CNRIP1: variants seen among roughly 807,000 people sequenced by gnomAD.
CNRIP1 encodes the protein cannabinoid receptor interacting protein 1.
A neutral mutation model predicts 15.2 loss-of-function variants in CNRIP1; 10 were observed. The observed-to-expected ratio is 0.66, with a 90% CI of 0.41 to 1.12. The LOEUF (loss-of-function observed/expected upper bound fraction) is 1.12. CNRIP1 is among the 50% of genes most tolerant of loss of function. The probability of loss-of-function intolerance (pLI) is 0.00; values close to 1 mark genes in which losing one functional copy is unlikely to be tolerated. For missense variants in CNRIP1, 211 were observed against 214.7 expected (o/e 0.98, Z 0.11); for synonymous variants, 91 against 83.2 (o/e 1.09, Z -0.51).
chr2:68,301,387 T>C (rs548323783), intron 2 of CNRIP1, among the ~76,000 whole-genome samples: 7 of 152,284 alleles, frequency 4.6e-5, no homozygotes, highest in African/African-American at 7.2e-5. Context: ...TTAAGGGGCA[T>C]TGACAAAAAA....
intron 2 of CNRIP1, among the ~76,000 whole-genome samples, chr2:68,310,156 T>C (rs1672021886): frequency 2.0e-5 from 3 of 152,082 alleles, no homozygotes. Context: ...GGTGAAACCC[T>C]GTCTCTAATA....
chr2:68,317,226 A>T lies in CNRIP1; in HGVS notation c.261T>A (p.Gly87=). Residue 87 remains glycine, a synonymous_variant, in exon 2 of 3, where the codon GGT becomes GGA. Transcript: ENST00000263655. ...GGGTCACACCTTCTGTGTCATATGT[A>T]CCCGTATAAACAACTCTGTCCCCAT... The part of the protein sequence containing the change: ...EPDGDRVVYT[G]TYDTEGVTPT... 6.2e-7 allele frequency: 1 copy of T among 1,614,068 alleles called. No homozygotes were observed. The highest frequency in any genetic ancestry group is 8.5e-7 in the Non-Finnish European group (1 of 1,180,004).
chr2:68,288,210 A>C (rs896184820), downstream of CNRIP1, among the ~76,000 whole-genome samples: 2 of 152,212 alleles, frequency 1.3e-5, no homozygotes, highest in African/African-American at 4.8e-5. Flanking sequence ...TGAGGGTGGT[A>C]AAGCTTTTCA....
intron 2 of CNRIP1, among the ~76,000 whole-genome samples, chr2:68,305,638 A>AGC (rs1671809390): frequency 6.6e-6 from 1 of 151,810 alleles, no homozygotes; most frequent in African/African-American, 2.4e-5. Flanking sequence ...TACTAAAAAT[A>AGC]CAAAAGAATT....
At chr2:68,287,628 G>T (rs1437168106) in intron 2 of CNRIP1, among the ~76,000 whole-genome samples, 2 of 152,350 alleles carry the variant, frequency 1.3e-5, no homozygotes. Context: ...TATTTGCCAT[G>T]GCAAAGGGAA....
At position 68,305,272 on chromosome 2, in the gene CNRIP1, A is replaced by ATGTG. The variant is rs1225964288; in HGVS notation, c.331-11247_331-11246insCACA. Among the ~76,000 whole-genome samples, 522 of 68,990 alleles carry ATGTG rather than the reference A, an allele frequency of 7.6e-3. 5 individuals are homozygous for ATGTG. The highest frequency in any genetic ancestry group is 0.013 in the Non-Finnish European group (420 of 32,884). The allele number at this position is 68,990 out of a possible 152,430, so 45.3% of individuals were successfully genotyped here. ...AAAAAAAAAAAAAATATATATATAT[A>ATGTG]TATGTGTGTGTGTGTGTGTGTGTGT... is the stretch of plus-strand genomic sequence containing the variant. On this transcript the variant is annotated intron_variant, in intron 2 of 2. Coordinates refer to ENST00000263655, the MANE Select transcript of CNRIP1 (RefSeq NM_015463.3).
chr2:68,318,967 C>T (rs537480161), intron 1 of CNRIP1, among the ~76,000 whole-genome samples: 1 of 152,362 alleles, frequency 6.6e-6, no homozygotes, highest in Admixed American at 6.5e-5. Flanking sequence ...AAAACCCTGG[C>T]TTCTTGTCAC....
downstream of CNRIP1, among the ~76,000 whole-genome samples, chr2:68,291,747 C>A (rs1030377557): frequency 6.6e-6 from 1 of 151,956 alleles, no homozygotes; most frequent in Admixed American, 6.6e-5. Context: ...AGCGTGGTAG[C>A]ACACGCCCGT....
At chr2:68,316,921 C>T (rs1672292084) in intron 2 of CNRIP1, 5 of 622,804 alleles carry the variant, frequency 8.0e-6, no homozygotes, top group Non-Finnish European at 1.4e-5. Flanking sequence ...TCTTCCAGAA[C>T]CATCTGCTTC....
chr2:68,310,198 C>A (rs180983453), intron 2 of CNRIP1, among the ~76,000 whole-genome samples: 1 of 152,118 alleles, frequency 6.6e-6, no homozygotes, highest in African/African-American at 2.4e-5. Flanking sequence ...TGTGGTGGCA[C>A]GCGCCTGTAG....
intron 2 of CNRIP1, among the ~76,000 whole-genome samples, chr2:68,306,124 C>CAAAA (rs61586261): frequency 0.014 from 343 of 25,332 alleles, 55 homozygotes; most frequent in African/African-American, 0.035. Context: ...CCCACCTCTA[C>CAAAA]AAAAAAAAAA....
intron 2 of CNRIP1, among the ~76,000 whole-genome samples, chr2:68,308,529 G>A (rs779344418): frequency 4.2e-4 from 63 of 151,782 alleles, no homozygotes; most frequent in African/African-American, 1.1e-3. Context: ...TGATTTTTCC[G>A]TAATTTTAGA....
chr2:68,303,003 T>A (rs909238352), intron 2 of CNRIP1, among the ~76,000 whole-genome samples: 40 of 151,898 alleles, frequency 2.6e-4, no homozygotes, highest in Non-Finnish European at 3.8e-4. Flanking sequence ...GCCCGCTACC[T>A]CGCCCGGCTA....
intron 2 of CNRIP1, among the ~76,000 whole-genome samples, chr2:68,294,593 A>G (rs937548982): frequency 1.4e-4 from 22 of 152,360 alleles, no homozygotes; most frequent in Admixed American, 6.5e-4. Flanking sequence ...TCAAAATACA[A>G]TGGTACAAAA....
At chr2:68,294,374 T>G (rs958666799) in intron 2 of CNRIP1, among the ~76,000 whole-genome samples, 3 of 152,242 alleles carry the variant, frequency 2.0e-5, no homozygotes, top group African/African-American at 7.2e-5. Flanking sequence ...TACTCTAAAA[T>G]GGCCCCTGCT....
At chr2:68,310,330 A>G (rs1484016355) in intron 2 of CNRIP1, among the ~76,000 whole-genome samples, 2 of 152,214 alleles carry the variant, frequency 1.3e-5, no homozygotes, top group African/African-American at 4.8e-5. Context: ...CTCCATCTCA[A>G]ATAAAGCAAA....
At chr2:68,304,456 A>G (rs1476748019) in intron 2 of CNRIP1, among the ~76,000 whole-genome samples, 1 of 151,976 alleles carries the variant, frequency 6.6e-6, no homozygotes, top group Non-Finnish European at 1.5e-5. Flanking sequence ...ATTTGAAGGT[A>G]TGTTTTAAGA....
At chr2:68,306,952 T>C (rs548114423) in intron 2 of CNRIP1, among the ~76,000 whole-genome samples, 10 of 152,326 alleles carry the variant, frequency 6.6e-5, no homozygotes, top group African/African-American at 2.4e-4. Context: ...AGGCTAGGAA[T>C]GTGTCCCAGC....
intron 2 of CNRIP1, among the ~76,000 whole-genome samples, chr2:68,299,754 G>C (rs1004253586): frequency 8.5e-5 from 13 of 152,170 alleles, no homozygotes; most frequent in Non-Finnish European, 1.5e-4. Flanking sequence ...TGATTCCAAG[G>C]AGAGGAGACT....
Sources: allele counts gnomAD v4.1 joint callset (sites outside exome capture counted in the v4.1 genomes callset), GRCh38; gene constraint gnomAD v4.1.1; transcripts MANE v1.5; gene names NCBI Gene and HGNC (gene_info 2026-07-23, HGNC 2026-07-21).